ARID3A: variants seen among roughly 807,000 people sequenced by gnomAD.
ARID3A encodes the protein AT-rich interactive domain-containing protein 3A.
Under a neutral mutation model 52.7 loss-of-function variants are expected in ARID3A, and 11 were observed. That is an observed-to-expected ratio of 0.21 (90% CI 0.13 to 0.35). The LOEUF (loss-of-function observed/expected upper bound fraction) is 0.35, where lower values mean the gene tolerates loss of function less well. Ranked by LOEUF, ARID3A falls within the 10% of genes least tolerant of loss-of-function variation. The probability of loss-of-function intolerance (pLI) is 1.00; values close to 1 mark genes in which losing one functional copy is unlikely to be tolerated. For synonymous variants in ARID3A, 404 were observed against 359.4 expected (o/e 1.12, Z -1.40); for missense variants, 721 against 838.5 (o/e 0.86, Z 1.73).
In ARID3A at chr19:959,261, T is replaced by C. The variant is rs73509666; in HGVS notation, c.694-831T>C. On this transcript the variant is annotated intron_variant, in intron 3 of 8. Transcript: ENST00000263620. This position sits in a 1 kb window ranked among gnomAD's most constrained non-coding sequence, Gnocchi z 5.0. The stretch of plus-strand genomic sequence containing the variant: ...GGAGACTTCGGAGGGAACGCAACCC[T>C]GCAGACATCTTTTGTTTTGTTTTGT... Among the ~76,000 whole-genome samples, 9,676 of 152,232 alleles carry C rather than the reference T, an allele frequency of 0.064. 980 individuals are homozygous for C. The highest frequency in any genetic ancestry group is 0.21 in the African/African-American group (8,765 of 41,494).
intron 8 of ARID3A, among the ~76,000 whole-genome samples, chr19:970,373 G>T (rs1259471377): frequency 6.6e-6 from 1 of 152,042 alleles, no homozygotes; most frequent in Admixed American, 6.6e-5. Flanking sequence ...AGTGCCAGGG[G>T]CAGTGGCCCA....
chr19:972,079 C>G lies in ARID3A; in HGVS notation c.*14C>G. ...TCGTTGCCTTAACCGCATCACTCCC[C>G]ACCCGCCACCCACCCTGGAGCCCGC... On this transcript the variant is annotated 3_prime_UTR_variant, in exon 9 of 9. Transcript: ENST00000263620. The G allele has an allele frequency of 6.6e-7, 1 of 1,509,740 alleles. No homozygotes were observed. The highest frequency in any genetic ancestry group is 8.8e-7 in the Non-Finnish European group (1 of 1,131,904). The allele number at this position is 1,509,740 out of a possible 1,614,324, so 93.5% of individuals were successfully genotyped here. A position where few individuals can be genotyped will look rare whatever the true frequency, so the allele number is the denominator to read the frequency against.
At chr19:969,173 G>T (rs2038226237) in intron 8 of ARID3A, among the ~76,000 whole-genome samples, 1 of 151,828 alleles carries the variant, frequency 6.6e-6, no homozygotes, top group Non-Finnish European at 1.5e-5. Context: ...TATATTTATG[G>T]GTTTTATGAG....
At chr19:969,335 A>G (rs1292010207) in intron 8 of ARID3A, among the ~76,000 whole-genome samples, 1 of 151,424 alleles carries the variant, frequency 6.6e-6, no homozygotes, top group Non-Finnish European at 1.5e-5. Flanking sequence ...CCAGGAGTTC[A>G]AGACCAGTCT....
In ARID3A at chr19:947,926, G is replaced by A. The variant is rs946381295; in HGVS notation, c.694-12166G>A. 6.6e-6 allele frequency among the ~76,000 whole-genome samples: 1 copy of A among 152,210 alleles called. No homozygotes were observed. Among genetic ancestry groups the A allele is most frequent in the Non-Finnish European group, 1.5e-5 (1 of 68,034 alleles). The stretch of plus-strand genomic sequence containing the variant: ...AGGCCTGGCTGTGCTGACGGGAATT[G>A]AAAGGACCTCGTGGCTTAGGCAGGC... On this transcript the variant is annotated intron_variant, in intron 3 of 8. Transcript: ENST00000263620. The surrounding 1 kb of genome is among the most constrained non-coding windows in gnomAD (Gnocchi z 6.3).
At chr19:939,691 C>T (rs568606331) in intron 3 of ARID3A, among the ~76,000 whole-genome samples, 30 of 152,176 alleles carry the variant, frequency 2.0e-4, no homozygotes, top group African/African-American at 6.7e-4. Flanking sequence ...TGGGATGTTC[C>T]GAGCCACCTG....
chr19:939,571 G>C (rs1474333781), intron 3 of ARID3A, among the ~76,000 whole-genome samples: 1 of 152,178 alleles, frequency 6.6e-6, no homozygotes, highest in Non-Finnish European at 1.5e-5. Flanking sequence ...CTCACACCCA[G>C]GAATGTGACC....
In ARID3A at chr19:944,142, G is replaced by A. The variant is rs543482330; in HGVS notation, c.693+11400G>A. ...GCCTGACCCTCTCATGGGCACTTAC[G>A]GGGCACCTGCTGTATGCCAGCCTGC... On this transcript the variant is annotated intron_variant, in intron 3 of 8. Coordinates refer to ENST00000263620, the MANE Select transcript of ARID3A (RefSeq NM_005224.3). This position sits in a 1 kb window ranked among gnomAD's most constrained non-coding sequence, Gnocchi z 5.9. Among the ~76,000 whole-genome samples the A allele has an allele frequency of 6.6e-6, 1 of 151,994 alleles. No homozygotes were observed. Among genetic ancestry groups the A allele is most frequent in the East Asian group, 1.9e-4 (1 of 5,166 alleles).
At chr19:940,618 G>A (rs2055875903) in intron 3 of ARID3A, among the ~76,000 whole-genome samples, 1 of 152,186 alleles carries the variant, frequency 6.6e-6, no homozygotes, top group African/African-American at 2.4e-5. Flanking sequence ...GGGTGCTCTA[G>A]GCAGATGGTG....
chr19:933,548 C>T (rs1383541949), intron 3 of ARID3A, among the ~76,000 whole-genome samples: 1 of 152,142 alleles, frequency 6.6e-6, no homozygotes, highest in African/African-American at 2.4e-5. Context: ...GGTCTGGGCT[C>T]CCGCAGGGAG....
In ARID3A at chr19:929,510, T is replaced by C. The variant is rs1406506819; in HGVS notation, c.-19T>C. On this transcript the variant is annotated 5_prime_UTR_variant, in exon 2 of 9. Transcript: ENST00000263620. This position sits in a 1 kb window ranked among gnomAD's most constrained non-coding sequence, Gnocchi z 6.2. ...GTGGTGGTGGTGGTGGTGGTGGTGG[T>C]GGCCCGGGCCGCAGGGCCATGAAAC... The C allele has an allele frequency of 2.8e-5, 37 of 1,328,110 alleles. No homozygotes were observed. The highest frequency in any genetic ancestry group is 1.0e-4 in the South Asian group (8 of 79,916). 82.3% of individuals were successfully genotyped at this position (1,328,110 alleles called of 1,614,324 possible). A position where few individuals can be genotyped will look rare whatever the true frequency, so the allele number is the denominator to read the frequency against.
intron 3 of ARID3A, among the ~76,000 whole-genome samples, chr19:952,380 T>C (rs1364491912): frequency 2.3e-5 from 3 of 129,274 alleles, no homozygotes; most frequent in Non-Finnish European, 4.6e-5. Context: ...AGGCTGAGGC[T>C]GCAGTGAGCT....
At chr19:966,949 G>C (rs1272486546) in intron 7 of ARID3A, 81 bp downstream of exon 7, 2 of 1,430,952 alleles carry the variant, frequency 1.4e-6, no homozygotes, top group Non-Finnish European at 1.8e-6. Context: ...TATGTAAAGA[G>C]TGCCAACAAA....
chr19:937,572 G>T (rs1568358466), intron 3 of ARID3A, among the ~76,000 whole-genome samples: 1 of 152,128 alleles, frequency 6.6e-6, no homozygotes, highest in East Asian at 1.9e-4. Flanking sequence ...GGGTCTGCTG[G>T]TGACTCCATA....
In ARID3A at chr19:965,039, C is replaced by T. The variant is rs575203453; in HGVS notation, c.1157C>T (p.Thr386Ile). 1.9e-6 allele frequency: 3 copies of T among 1,612,982 alleles called. No homozygotes were observed. Among genetic ancestry groups the T allele is most frequent in the South Asian group, 2.2e-5 (2 of 91,002 alleles). The change falls in exon 6 of 9, where the codon ACC becomes ATC. Residue 386 changes from threonine (T) to isoleucine (I), a missense_variant. Coordinates refer to ENST00000263620, the MANE Select transcript of ARID3A (RefSeq NM_005224.3). ...TCCTCCCTGGGCCTGGCCGCAAGCACCAATGGCAGCTCCATCACCCCCGCC... is the reference window on the plus strand; with the variant it reads ...TCCTCCCTGGGCCTGGCCGCAAGCATCAATGGCAGCTCCATCACCCCCGCC... ...PVSSLGLAAS[T>I]NGSSITPAPK...
rs2145389441 is a variant in ARID3A at position 942,377 on chromosome 19, G to A, written c.693+9635G>A. On this transcript the variant is annotated intron_variant, in intron 3 of 8. Coordinates refer to ENST00000263620, the MANE Select transcript of ARID3A (RefSeq NM_005224.3). This position sits in a 1 kb window ranked among gnomAD's most constrained non-coding sequence, Gnocchi z 8.1. The stretch of plus-strand genomic sequence containing the variant: ...GGGGCGTCACCCACGAGGGACGCTT[G>A]ACTCAAGGTCCTCTCCACTGGCCGC... Among the ~76,000 whole-genome samples the A allele has an allele frequency of 6.6e-6, 1 of 152,306 alleles. No homozygotes were observed. The highest frequency in any genetic ancestry group is 1.5e-5 in the Non-Finnish European group (1 of 68,010).
chr19:929,558 G>A lies in ARID3A; in HGVS notation c.30G>A (p.Leu10=). The A allele has an allele frequency of 2.6e-6, 4 of 1,522,804 alleles. No homozygotes were observed. Among genetic ancestry groups the A allele is most frequent in the Non-Finnish European group, 3.5e-6 (4 of 1,141,488 alleles). The allele number at this position is 1,522,804 out of a possible 1,614,324, so 94.3% of individuals were successfully genotyped here. Residue 10 remains leucine (L), a synonymous_variant, in exon 2 of 9, where the codon CTG becomes CTA. Transcript: ENST00000263620. The surrounding 1 kb of genome is among the most constrained non-coding windows in gnomAD (Gnocchi z 6.2). ...AACTACAGGCCGTGATGGAGACGCT[G>A]TTGCAGCGGCAGCAGCGGGCGCGCC... MKLQAVMET[L]LQRQQRARQE... is the part of the protein sequence containing the mutation.
At chr19:956,326 G>A (rs1358275360) in intron 3 of ARID3A, among the ~76,000 whole-genome samples, 2 of 152,162 alleles carry the variant, frequency 1.3e-5, no homozygotes. Flanking sequence ...CAAGTAACGA[G>A]CATTTATTAG....
chr19:944,313 G>T lies in ARID3A; in HGVS notation c.693+11571G>T, dbSNP rs114911057. On this transcript the variant is annotated intron_variant, in intron 3 of 8. Transcript: ENST00000263620. This position sits in a 1 kb window ranked among gnomAD's most constrained non-coding sequence, Gnocchi z 5.9. ...GCTCCCCGTGTGTCTGGCTGCAGGG[G>T]CGCGTCCAGGGGGTGTGTGTGTGTG... 0.01 allele frequency among the ~76,000 whole-genome samples: 1,569 copies of T among 151,136 alleles called. 32 individuals carry two copies. The highest frequency in any genetic ancestry group is 0.035 in the African/African-American group (1,453 of 41,186).
Sources: allele counts gnomAD v4.1 joint callset (sites outside exome capture counted in the v4.1 genomes callset), GRCh38; gene constraint gnomAD v4.1.1; non-coding constraint Gnocchi (gnomAD v3.1); transcripts MANE v1.5; gene names NCBI Gene and HGNC (gene_info 2026-07-23, HGNC 2026-07-21).